STXBP5L: variants seen among roughly 807,000 people sequenced by gnomAD.
STXBP5L encodes the protein syntaxin-binding protein 5-like.
STXBP5L carries 65 observed loss-of-function variants against 144.5 expected under a neutral mutation model. The ratio of observed to expected loss-of-function variants is 0.45; its 90% CI spans 0.37 to 0.55. STXBP5L has a LOEUF of 0.55. Ranked by LOEUF, STXBP5L falls within the 20% of genes least tolerant of loss-of-function variation. The pLI is 0.00. For missense variants in STXBP5L, 1,298 were observed against 1,405.5 expected (o/e 0.92, Z 1.22); for synonymous variants, 505 against 469.6 (o/e 1.08, Z -0.97).
At chr3:121,111,191 T>C (rs760966548) in intron 5 of STXBP5L, among the ~76,000 whole-genome samples, 1 of 152,222 alleles carries the variant, frequency 6.6e-6, no homozygotes, top group Non-Finnish European at 1.5e-5. Context: ...CATGCTCCTT[T>C]AGCTCAGTGA....
intron 19 of STXBP5L, among the ~76,000 whole-genome samples, chr3:121,314,438 A>C (rs2043699533): frequency 1.4e-5 from 2 of 141,204 alleles, no homozygotes; most frequent in African/African-American, 2.7e-5. Context: ...CCAAAAAAAA[A>C]ACGAAAACCA....
chr3:121,061,905 G>T (rs1436657236), intron 5 of STXBP5L, among the ~76,000 whole-genome samples: 3 of 148,620 alleles, frequency 2.0e-5, no homozygotes, highest in Non-Finnish European at 4.4e-5. Context: ...ACTCTGATGT[G>T]TCTTGACTAT....
At chr3:121,127,223 T>C (rs180864448) in intron 7 of STXBP5L, among the ~76,000 whole-genome samples, 1 of 152,180 alleles carries the variant, frequency 6.6e-6, no homozygotes, top group African/African-American at 2.4e-5. Flanking sequence ...GGAGACCAAA[T>C]ACATAACTTT....
At chr3:121,140,310 A>G (rs934814751) in intron 7 of STXBP5L, among the ~76,000 whole-genome samples, 3 of 152,142 alleles carry the variant, frequency 2.0e-5, no homozygotes, top group Non-Finnish European at 1.5e-5. Flanking sequence ...TGGTATAACC[A>G]TTGTAGAAAA....
intron 3 of STXBP5L, among the ~76,000 whole-genome samples, chr3:121,011,375 G>T (rs1040877788): frequency 4.0e-5 from 6 of 151,324 alleles, no homozygotes; most frequent in Non-Finnish European, 7.4e-5. Context: ...GATGAGTCCT[G>T]CAACCCTTTA....
chr3:121,204,812 T>C (rs1334913929), intron 9 of STXBP5L, among the ~76,000 whole-genome samples: 1 of 152,140 alleles, frequency 6.6e-6, no homozygotes, highest in African/African-American at 2.4e-5. Flanking sequence ...AAAGCATAAC[T>C]AGAAAGATAA....
chr3:121,183,138 T>A (rs1190462709), intron 9 of STXBP5L, among the ~76,000 whole-genome samples: 1 of 152,074 alleles, frequency 6.6e-6, no homozygotes, highest in Non-Finnish European at 1.5e-5. Context: ...AGAAAGGACA[T>A]ATGTCAAAGT....
intron 20 of STXBP5L, among the ~76,000 whole-genome samples, chr3:121,329,565 C>T (rs1577471763): frequency 6.6e-6 from 1 of 152,112 alleles, no homozygotes; most frequent in Non-Finnish European, 1.5e-5. Flanking sequence ...GTTAGAATGT[C>T]AAGAATGTAG....
intron 11 of STXBP5L, among the ~76,000 whole-genome samples, chr3:121,231,577 A>G (rs2049309597): frequency 6.6e-6 from 1 of 151,798 alleles, no homozygotes; most frequent in African/African-American, 2.4e-5. Flanking sequence ...TCCTGCTACA[A>G]TTAACATTCC....
chr3:121,402,271 G>A (rs1352140483), intron 22 of STXBP5L, among the ~76,000 whole-genome samples: 1 of 152,136 alleles, frequency 6.6e-6, no homozygotes, highest in Non-Finnish European at 1.5e-5. Flanking sequence ...TCCTCAAAGA[G>A]CTTACATTCT....
intron 3 of STXBP5L, among the ~76,000 whole-genome samples, chr3:121,022,886 G>C (rs1310860262): frequency 6.6e-6 from 1 of 152,034 alleles, no homozygotes; most frequent in Non-Finnish European, 1.5e-5. Context: ...AGTCAACATA[G>C]TACTGGAAAT....
intron 9 of STXBP5L, among the ~76,000 whole-genome samples, chr3:121,171,320 C>T (rs542214646): frequency 6.6e-6 from 1 of 152,124 alleles, no homozygotes; most frequent in African/African-American, 2.4e-5. Context: ...CATCTCTCAC[C>T]ACTGCTATTC....
chr3:121,175,448 T>G (rs1445644474), intron 9 of STXBP5L, among the ~76,000 whole-genome samples: 1 of 152,084 alleles, frequency 6.6e-6, no homozygotes, highest in Non-Finnish European at 1.5e-5. Context: ...CCACATAAAT[T>G]TATGAGGCAT....
chr3:121,194,259 T>C (rs76021051), intron 9 of STXBP5L, among the ~76,000 whole-genome samples: 15,102 of 152,208 alleles, frequency 0.099, 1,179 homozygotes, highest in Admixed American at 0.2. Context: ...TTTGTTATAG[T>C]CATTTCAAAG....
intron 15 of STXBP5L, among the ~76,000 whole-genome samples, chr3:121,252,636 G>C (rs181660888): frequency 3.3e-5 from 5 of 152,116 alleles, no homozygotes; most frequent in South Asian, 2.1e-4. Context: ...GTGAAACACT[G>C]TCTAATACAG....
At chr3:121,358,531 T>C (rs577511887) in intron 20 of STXBP5L, among the ~76,000 whole-genome samples, 5 of 152,054 alleles carry the variant, frequency 3.3e-5, no homozygotes, top group Non-Finnish European at 7.4e-5. Context: ...GAGAACTCTA[T>C]CATGAGGCAG....
chr3:121,276,141 T>A (rs1577350803), intron 18 of STXBP5L, among the ~76,000 whole-genome samples: 1 of 149,010 alleles, frequency 6.7e-6, no homozygotes, highest in Non-Finnish European at 1.5e-5. Context: ...TGATTCTATT[T>A]TAACTTCATT....
chr3:120,984,605 C>T (rs1420819396), intron 3 of STXBP5L, among the ~76,000 whole-genome samples: 3 of 118,940 alleles, frequency 2.5e-5, no homozygotes, highest in African/African-American at 3.4e-5. Flanking sequence ...TTCTTTCCAA[C>T]TTGGATGCCT....
At chr3:121,177,010 A>G (rs546072932) in intron 9 of STXBP5L, among the ~76,000 whole-genome samples, 1 of 152,170 alleles carries the variant, frequency 6.6e-6, no homozygotes, top group Non-Finnish European at 1.5e-5. Flanking sequence ...GAAAATTGGT[A>G]ACTCATTTTT....
Sources: allele counts gnomAD v4.1 joint callset (sites outside exome capture counted in the v4.1 genomes callset), GRCh38; gene constraint gnomAD v4.1.1; transcripts MANE v1.5; gene names NCBI Gene and HGNC (gene_info 2026-07-23, HGNC 2026-07-21).